The following LCOR variants were observed in gnomAD, a reference collection of about 807,000 sequenced individuals.
The protein encoded by LCOR is ligand-dependent corepressor.
A neutral mutation model predicts 64.4 loss-of-function variants in LCOR; 14 were observed. The observed-to-expected ratio is 0.22, with a 90% confidence interval of 0.14 to 0.34. LCOR has a LOEUF of 0.34. Ranked by LOEUF, LCOR falls within the 10% of genes least tolerant of loss-of-function variation. The probability of loss-of-function intolerance (pLI) is 1.00; values close to 1 mark genes in which losing one functional copy is unlikely to be tolerated. For synonymous variants in LCOR, 643 were observed against 642.5 expected, an observed-to-expected ratio of 1.00 and a Z score of -0.01; for missense variants, 1,686 against 1,765.3, an observed-to-expected ratio of 0.96 and a Z score of 0.80.
In LCOR at chr10:96,982,267, A is replaced by C. The variant is rs755857996; in HGVS notation, c.1807A>C (p.Ser603Arg). 2.5e-6 allele frequency: 4 copies of C among 1,614,200 alleles called. No individual in the cohort carries two copies. The African/African-American group carries it at 5.3e-5, about 22-fold the overall frequency. The change falls in exon 8 of 8, where the codon AGC becomes CGC. Residue 603 changes from serine to arginine, a missense_variant. By Grantham distance (110) the Ser-to-Arg change is moderately radical. Transcript: ENST00000421806. ...VCPTKIKPNLSSSPRSEETTA... is the reference protein window; with the variant it reads ...VCPTKIKPNLRSSPRSEETTA... Reference sequence around the variant, plus strand: ...CCCCACAAAGATTAAGCCGAACCTGAGCAGCTCCCCTAGGTCAGAGGAAAC... The same window carrying C: ...CCCCACAAAGATTAAGCCGAACCTGCGCAGCTCCCCTAGGTCAGAGGAAAC...
chr10:96,881,930 A>G (rs1368126480), intron 2 of LCOR, among the ~76,000 whole-genome samples: 1 of 152,150 alleles, frequency 6.6e-6, no homozygotes, highest in Admixed American at 6.5e-5. Flanking sequence ...TCTTTGGATA[A>G]CATTGATTTA....
At chr10:96,941,218 G>T (rs1246523987) in intron 4 of LCOR, among the ~76,000 whole-genome samples, 3 of 139,836 alleles carry the variant, frequency 2.1e-5, no homozygotes, top group Non-Finnish European at 1.6e-5. Flanking sequence ...CCCGGACGGG[G>T]CGGCTGGCCG....
chr10:96,944,177 A>G lies in LCOR; in HGVS notation c.-119A>G, dbSNP rs781338869. On this transcript the variant is annotated 5_prime_UTR_variant, in exon 5 of 8. Transcript: ENST00000421806. ...GGGCAAGAAGCTCTGCTTAAACAAGAGCAAGCAAAAATCATTCGATTCGAG... is the reference window on the plus strand; with the variant it reads ...GGGCAAGAAGCTCTGCTTAAACAAGGGCAAGCAAAAATCATTCGATTCGAG... 26 of 985,558 alleles carry G rather than the reference A, an allele frequency of 2.6e-5. No individual in the cohort carries two copies. Among genetic ancestry groups the G allele is most frequent in the African/African-American group, 3.5e-5 (2 of 57,212 alleles). The allele number at this position is 985,558 out of a possible 1,614,324, so 61.1% of individuals were successfully genotyped here.
At chr10:96,840,385 G>A (rs1039209887) in intron 2 of LCOR, among the ~76,000 whole-genome samples, 2 of 152,242 alleles carry the variant, frequency 1.3e-5, no homozygotes, top group African/African-American at 4.8e-5. Flanking sequence ...ACTAGTATTT[G>A]TTGTATCTTT....
chr10:96,884,104 T>G lies in LCOR; in HGVS notation c.-329-23161T>G, dbSNP rs544432784. On this transcript the variant is annotated intron_variant, in intron 2 of 7. Coordinates refer to ENST00000421806, the MANE Select transcript of LCOR (RefSeq NM_001346516.2). The stretch of plus-strand genomic sequence containing the variant: ...TTCAAGTTCAGGGACTTCTGAAGAT[T>G]CAGGAGGTCAAAACTATTTTCATAA... Among the ~76,000 whole-genome samples, 55 of 152,300 alleles carry G rather than the reference T, an allele frequency of 3.6e-4. 1 individual carries two copies. Among genetic ancestry groups the G allele is most frequent in the African/African-American group, 1.2e-3 (49 of 41,560 alleles).
chr10:96,868,360 C>T (rs1209755866), intron 2 of LCOR, among the ~76,000 whole-genome samples: 5 of 151,202 alleles, frequency 3.3e-5, no homozygotes, highest in South Asian at 2.1e-4. Context: ...TTGCAACCTC[C>T]GCCTTCCAGG....
chr10:96,932,922 G>T (rs1187840592), intron 4 of LCOR, among the ~76,000 whole-genome samples: 1 of 152,122 alleles, frequency 6.6e-6, no homozygotes, highest in Non-Finnish European at 1.5e-5. Context: ...TTGGTTGATG[G>T]TTTCTCTTAT....
intron 4 of LCOR, among the ~76,000 whole-genome samples, chr10:96,921,412 A>AT (rs1343528479): frequency 6.6e-6 from 1 of 152,006 alleles, no homozygotes; most frequent in African/African-American, 2.4e-5. Flanking sequence ...TTTTGAGTAA[A>AT]TTTTTATATA....
chr10:96,976,450 G>C (rs1027473646), intron 7 of LCOR, among the ~76,000 whole-genome samples: 1 of 152,132 alleles, frequency 6.6e-6, no homozygotes, highest in Admixed American at 6.5e-5. Context: ...AGACACCACC[G>C]CCTCTTGCCA....
intron 2 of LCOR, among the ~76,000 whole-genome samples, chr10:96,881,988 A>T (rs1011641836): frequency 6.6e-6 from 1 of 152,066 alleles, no homozygotes; most frequent in Non-Finnish European, 1.5e-5. Flanking sequence ...AGCTTCCTCT[A>T]ATTGCTATTC....
At chr10:96,854,695 C>T (rs1336065803) in intron 2 of LCOR, among the ~76,000 whole-genome samples, 1 of 152,134 alleles carries the variant, frequency 6.6e-6, no homozygotes, top group Non-Finnish European at 1.5e-5. Context: ...ATATTTTTCC[C>T]ATTTAATATG....
At chr10:96,956,825 A>G in intron 7 of LCOR, 1 of 985,774 alleles carries the variant, frequency 1.0e-6, no homozygotes, top group Non-Finnish European at 1.2e-6. Context: ...TGTATTCTTC[A>G]GTCCTTTTAC....
intron 7 of LCOR, chr10:96,957,059 A>G: frequency 5.1e-6 from 5 of 985,336 alleles, no homozygotes; most frequent in Non-Finnish European, 6.0e-6. Context: ...ACCCGATATG[A>G]TTTAGGATGC....
chr10:96,853,505 A>T (rs948560037), intron 2 of LCOR, among the ~76,000 whole-genome samples: 2 of 152,202 alleles, frequency 1.3e-5, no homozygotes, highest in Non-Finnish European at 2.9e-5. Flanking sequence ...TATTGAACTC[A>T]AGAGTTTGAG....
At chr10:96,834,404 A>G (rs913979891) in intron 2 of LCOR, among the ~76,000 whole-genome samples, 1 of 152,148 alleles carries the variant, frequency 6.6e-6, no homozygotes, top group Non-Finnish European at 1.5e-5. Context: ...CCTTTTGCCT[A>G]TCAGTTATCC....
chr10:96,898,722 T>C (rs1026358056), intron 2 of LCOR, among the ~76,000 whole-genome samples: 6 of 152,226 alleles, frequency 3.9e-5, no homozygotes, highest in Admixed American at 2.0e-4. Flanking sequence ...GTTTGTTTTG[T>C]TTTGTTTTAC....
Position 96,981,093 on chromosome 10 carries a change from C to G in LCOR, c.633C>G (p.Asp211Glu), listed in dbSNP as rs745588848. The change falls in exon 8 of 8, where the codon GAC (aspartate) becomes GAG (glutamate). Residue 211 changes from aspartate to glutamate, a missense_variant. Around this residue, in one of 3 missense-constraint regions of LCOR, gnomAD observed 313 missense variants for 247.2 expected, o/e 1.27. Transcript: ENST00000421806. The stretch of plus-strand genomic sequence containing the variant: ...TAGATTTGTTCGTAGACTCGTCAGA[C>G]TCTCACAGCCCTCTACACTTGACGG... The part of the protein sequence containing the change: ...ASVDLFVDSS[D>E]SHSPLHLTEQ... 1.3e-5 allele frequency: 9 copies of G among 703,018 alleles called. No individual in the cohort carries two copies. Among genetic ancestry groups the G allele is most frequent in the Non-Finnish European group, 2.1e-5 (8 of 385,104 alleles). 43.5% of individuals were successfully genotyped at this position (703,018 alleles called of 1,614,324 possible). A position where few individuals can be genotyped will look rare whatever the true frequency, so the allele number is the denominator to read the frequency against.
intron 2 of LCOR, among the ~76,000 whole-genome samples, chr10:96,880,120 C>T (rs930788344): frequency 6.6e-6 from 1 of 152,160 alleles, no homozygotes; most frequent in African/African-American, 2.4e-5. Context: ...TCTGGCTGGT[C>T]TTTTGCATTC....
chr10:96,834,660 G>T (rs1845410161), intron 2 of LCOR, among the ~76,000 whole-genome samples: 1 of 151,978 alleles, frequency 6.6e-6, no homozygotes, highest in South Asian at 2.1e-4. Context: ...TTAGTGATTG[G>T]TTTTTTCAGC....
Sources: allele counts gnomAD v4.1 joint callset (sites outside exome capture counted in the v4.1 genomes callset), GRCh38; gene constraint gnomAD v4.1.1; regional missense constraint gnomAD v4.1.1; transcripts MANE v1.5; gene names NCBI Gene and HGNC (gene_info 2026-07-23, HGNC 2026-07-21).